HDLBP: variants seen among roughly 807,000 people sequenced by gnomAD.
The protein encoded by HDLBP is vigilin.
Under a neutral mutation model 137.3 loss-of-function variants are expected in HDLBP, and 30 were observed. The observed-to-expected ratio is 0.22, with a 90% CI of 0.16 to 0.30. The LOEUF (loss-of-function observed/expected upper bound fraction) is 0.30, where lower values mean the gene tolerates loss of function less well. Among genes scored for constraint, HDLBP ranks in the 10% least tolerant of loss-of-function variants. The pLI is 1.00. For missense variants in HDLBP, 1,119 were observed against 1,667.3 expected, an observed-to-expected ratio of 0.67 and a Z score of 5.73; for synonymous variants, 606 against 596.0, an observed-to-expected ratio of 1.02 and a Z score of -0.24.
chr2:241,273,834 G>A (rs931393083), intron 1 of HDLBP: 1 of 167,230 alleles, frequency 6.0e-6, no homozygotes, highest in Non-Finnish European at 1.2e-5. Context: ...GCAAGCAGCA[G>A]AAGGCAGGAT....
At chr2:241,314,346 C>T (rs1229265558) in intron 1 of HDLBP, among the ~76,000 whole-genome samples, 4 of 152,174 alleles carry the variant, frequency 2.6e-5, no homozygotes, top group African/African-American at 9.7e-5. Flanking sequence ...ATGCAATGTG[C>T]CGCTACCAGG....
chr2:241,291,415 C>A (rs1461762029), intron 1 of HDLBP, among the ~76,000 whole-genome samples: 1 of 152,158 alleles, frequency 6.6e-6, no homozygotes, highest in African/African-American at 2.4e-5. Flanking sequence ...GGTAGAACAA[C>A]AGAAGCACCA....
intron 1 of HDLBP, among the ~76,000 whole-genome samples, chr2:241,274,489 T>G (rs1416217420): frequency 6.6e-6 from 1 of 152,184 alleles, no homozygotes; most frequent in Non-Finnish European, 1.5e-5. Flanking sequence ...TGTTTTTTGT[T>G]GCTGTTTTGT....
chr2:241,311,605 A>G (rs1416543613), intron 1 of HDLBP, among the ~76,000 whole-genome samples: 2 of 152,248 alleles, frequency 1.3e-5, no homozygotes, highest in African/African-American at 4.8e-5. Flanking sequence ...ATTTCTTGAA[A>G]GATTTAGATA....
chr2:241,293,505 G>C (rs1239494004), intron 1 of HDLBP, among the ~76,000 whole-genome samples: 1 of 151,630 alleles, frequency 6.6e-6, no homozygotes. Flanking sequence ...CCAGCTACTT[G>C]GAAGGCTGGG....
chr2:241,260,799 T>G (rs1465610374), intron 5 of HDLBP, among the ~76,000 whole-genome samples: 1 of 151,942 alleles, frequency 6.6e-6, no homozygotes, highest in Non-Finnish European at 1.5e-5. Flanking sequence ...ACTGTGGAAG[T>G]AACCAAGCCC....
rs2075634432 is a variant in HDLBP, at chr2:241,307,942, C to T, written c.-103+7628G>A. On this transcript the variant is annotated intron_variant, in intron 1 of 27. Transcript: ENST00000310931. ...ATCCTCTGCTCACTTGGGCCTCTAC[C>T]CCCACAGGATAAATTGAATTGGAAA... Among the ~76,000 whole-genome samples, 9 of 151,830 alleles carry T rather than the reference C, an allele frequency of 5.9e-5. No homozygotes were observed. In the South Asian group the frequency reaches 1.9e-3, roughly 32 times the overall value.
intron 15 of HDLBP, 67 bp from the exon 16 acceptor site, chr2:241,246,950 A>G: frequency 1.3e-6 from 2 of 1,594,040 alleles, no homozygotes; most frequent in Non-Finnish European, 1.7e-6. Flanking sequence ...ACAGTTGAGC[A>G]CAGGGCTAGA....
chr2:241,273,610 T>A, intron 1 of HDLBP: 10 of 985,344 alleles, frequency 1.0e-5, no homozygotes, highest in Non-Finnish European at 1.2e-5. Context: ...GAGCAATCTG[T>A]AGAGATGTCA....
intron 1 of HDLBP, among the ~76,000 whole-genome samples, chr2:241,298,142 G>A (rs1316711330): frequency 1.3e-5 from 2 of 150,308 alleles, no homozygotes; most frequent in African/African-American, 4.9e-5. Context: ...GAAGCAGGAG[G>A]CTGCCTGAGC....
At chr2:241,270,842 C>G (rs986019737) in intron 1 of HDLBP, 1 of 396,910 alleles carries the variant, frequency 2.5e-6, no homozygotes, top group African/African-American at 2.2e-5. Flanking sequence ...CCCAGGATAC[C>G]TTGGGCAGGC....
Position 241,247,923 on chromosome 2 carries a change from G to A in HDLBP, c.1731+80C>T, listed in dbSNP as rs2071803904. The A allele has an allele frequency of 9.5e-6, 9 of 945,310 alleles. No individual in the cohort carries two copies. In the South Asian group the frequency reaches 1.3e-4, roughly 13 times the overall value. The allele number at this position is 945,310 out of a possible 1,614,324, so 58.6% of individuals were successfully genotyped here. A position where few individuals can be genotyped will look rare whatever the true frequency, so the allele number is the denominator to read the frequency against. On this transcript the variant is annotated intron_variant, in intron 14 of 27. Transcript: ENST00000310931. ...CTTTCCCCAGAGCAGGGGTCCTGTG[G>A]GGGTCAGGACTTCTGACAGGACGCA... is the stretch of plus-strand genomic sequence containing the variant.
At chr2:241,313,735 C>G (rs1466434894) in intron 1 of HDLBP, among the ~76,000 whole-genome samples, 1 of 152,142 alleles carries the variant, frequency 6.6e-6, no homozygotes, top group South Asian at 2.1e-4. Flanking sequence ...TGGAAAAATA[C>G]GTATTTACTC....
intron 1 of HDLBP, among the ~76,000 whole-genome samples, chr2:241,294,055 A>T (rs1355101858): frequency 6.6e-6 from 1 of 152,214 alleles, no homozygotes; most frequent in Non-Finnish European, 1.5e-5. Context: ...CACACCCGAG[A>T]TTACAATGAT....
chr2:241,300,496 G>A (rs969988312), intron 1 of HDLBP, among the ~76,000 whole-genome samples: 3 of 152,126 alleles, frequency 2.0e-5, no homozygotes, highest in Admixed American at 2.0e-4. Context: ...TTCAAGACTG[G>A]GGGCAGGTAG....
chr2:241,298,829 A>G (rs1334641286), intron 1 of HDLBP, among the ~76,000 whole-genome samples: 1 of 152,192 alleles, frequency 6.6e-6, no homozygotes. Flanking sequence ...CAAACCCACA[A>G]TAAGGGACCC....
intron 1 of HDLBP, among the ~76,000 whole-genome samples, chr2:241,286,978 C>T (rs545968315): frequency 6.6e-6 from 1 of 151,928 alleles, no homozygotes; most frequent in East Asian, 1.9e-4. Flanking sequence ...ATGTAGAATC[C>T]AGCCAGTCCC....
intron 14 of HDLBP, 125 bp downstream of exon 14, chr2:241,247,878 G>C: frequency 1.5e-6 from 1 of 652,996 alleles, no homozygotes; most frequent in Non-Finnish European, 2.7e-6. Flanking sequence ...GAGATGGAAG[G>C]CCAGCCCAGG....
At chr2:241,312,348 T>A (rs1017239058) in intron 1 of HDLBP, among the ~76,000 whole-genome samples, 5 of 152,226 alleles carry the variant, frequency 3.3e-5, no homozygotes, top group Non-Finnish European at 5.9e-5. Context: ...AATAGCCTAC[T>A]AGGGATTTCA....
Sources: gnomAD v4.1 joint callset for allele counts (sites outside exome capture counted in the v4.1 genomes callset) on GRCh38, gnomAD v4.1.1 for gene constraint, MANE v1.5 for transcripts, NCBI Gene and HGNC (gene_info 2026-07-23, HGNC 2026-07-21) for gene names.